The following TCF12 variants were observed in gnomAD, a reference collection of about 807,000 sequenced individuals.
The protein encoded by TCF12 is transcription factor 12.
TCF12 carries 45 observed loss-of-function variants against 86.0 expected under a neutral mutation model. The observed-to-expected ratio is 0.52, with a 90% confidence interval of 0.41 to 0.67. The LOEUF (loss-of-function observed/expected upper bound fraction) is 0.67. Among genes scored for constraint, TCF12 ranks in the 30% least tolerant of loss-of-function variants. The pLI is 0.00. For synonymous variants in TCF12, 330 were observed against 299.6 expected (o/e 1.10, Z -1.05); for missense variants, 881 against 859.9 (o/e 1.02, Z -0.31).
chr15:56,955,260 A>G (rs574334198), intron 3 of TCF12, among the ~76,000 whole-genome samples: 3 of 152,338 alleles, frequency 2.0e-5, no homozygotes, highest in Admixed American at 6.5e-5. Flanking sequence ...AGGGACATGG[A>G]TGAAGCTGGA....
At position 56,926,912 on chromosome 15, in the gene TCF12, G is replaced by A. The variant is rs566600670; in HGVS notation, c.148+5814G>A. 1.1e-4 allele frequency among the ~76,000 whole-genome samples: 17 copies of A among 152,310 alleles called. No individual in the cohort carries two copies. The East Asian group carries it at 3.1e-3, about 28-fold the overall frequency. On this transcript the variant is annotated intron_variant, in intron 3 of 20. Transcript: ENST00000333725. ...GCCTAGCACATAGTTAGCTGTGGTG[G>A]AGTAAATTGTTAGTGGTGAGACACT...
In TCF12 at chr15:57,263,202, C is replaced by CA; in HGVS notation, c.1674dup (p.Ser559IlefsTer3). The CA allele has an allele frequency of 6.2e-7, 1 of 1,613,228 alleles. No individual in the cohort carries two copies. The highest frequency in any genetic ancestry group is 8.5e-7 in the Non-Finnish European group (1 of 1,179,714). ...GATGAAAACCTTCATGAACCTCCTT[C>CA]ATCAGATGACATGAAGTCAGATGAT... On this transcript the variant is annotated frameshift_variant, in exon 18 of 21. Coordinates refer to ENST00000333725, the MANE Select transcript of TCF12 (RefSeq NM_207037.2). LOFTEE classifies it high-confidence loss of function.
chr15:57,170,673 ATAATATAT>A (rs2055295370), intron 6 of TCF12, among the ~76,000 whole-genome samples: 1 of 5,858 alleles, frequency 1.7e-4, no homozygotes. Context: ...ATATATATAT[ATAATATAT>A]TATATATAAT....
intron 8 of TCF12, among the ~76,000 whole-genome samples, chr15:57,224,959 T>G (rs2058798658): frequency 6.6e-6 from 1 of 152,142 alleles, no homozygotes; most frequent in African/African-American, 2.4e-5. Context: ...CAGATTGGAG[T>G]TTATGGCAGA....
intron 6 of TCF12, among the ~76,000 whole-genome samples, chr15:57,170,689 AATATATATT>A (rs1567558277): frequency 4.2e-5 from 1 of 23,562 alleles, no homozygotes; most frequent in Non-Finnish European, 1.0e-4. Flanking sequence ...TATTATATAT[AATATATATT>A]ATATATAATA....
chr15:56,986,155 A>T (rs1336562029), intron 3 of TCF12, among the ~76,000 whole-genome samples: 2 of 152,190 alleles, frequency 1.3e-5, no homozygotes, highest in African/African-American at 4.8e-5. Context: ...AAGACATAGC[A>T]TGAGAACAGG....
chr15:57,231,242 A>C lies in TCF12; in HGVS notation c.670A>C (p.Thr224Pro), dbSNP rs1205345180. 6.2e-7 allele frequency: 1 copy of C among 1,611,852 alleles called. No homozygotes were observed. The highest frequency in any genetic ancestry group is 1.1e-5 in the South Asian group (1 of 91,036). Residue 224 changes from threonine to proline, a missense_variant, in exon 9 of 21, where the codon ACT (threonine) becomes CCT (proline). Physicochemically the swap from Thr to Pro is conservative, Grantham distance 38. Transcript: ENST00000333725. ...PKPPTSMFAS[T>P]FFMQDGTHNS... is the part of the protein sequence containing the mutation. ...GCCACCAACCAGTATGTTCGCTAGC[A>C]CTTTCTTTATGCAAGGTAAGTACTA... is the stretch of plus-strand genomic sequence containing the variant.
intron 3 of TCF12, among the ~76,000 whole-genome samples, chr15:57,014,993 C>G (rs990166291): frequency 2.0e-5 from 3 of 151,818 alleles, no homozygotes; most frequent in Non-Finnish European, 4.4e-5. Context: ...TCAACAGTTA[C>G]AAGTGCCTTA....
intron 5 of TCF12, among the ~76,000 whole-genome samples, chr15:57,115,243 C>T (rs964936891): frequency 2.6e-5 from 4 of 152,150 alleles, no homozygotes; most frequent in Non-Finnish European, 5.9e-5. Flanking sequence ...GTTGCAGTAA[C>T]TTTAATGTAC....
At chr15:57,080,757 C>T (rs1296952022) in intron 4 of TCF12, among the ~76,000 whole-genome samples, 5 of 152,172 alleles carry the variant, frequency 3.3e-5, no homozygotes, top group African/African-American at 1.2e-4. Context: ...CATAGCCTTT[C>T]CCAATTAATT....
chr15:56,919,438 A>G (rs2059662861), intron 1 of TCF12: 1 of 152,458 alleles, frequency 6.6e-6, no homozygotes, highest in South Asian at 2.1e-4. Flanking sequence ...GTTCCCTGCA[A>G]CTTGTCAGTT....
intron 5 of TCF12, among the ~76,000 whole-genome samples, chr15:57,142,971 A>G (rs1356843147): frequency 1.3e-5 from 2 of 152,214 alleles, no homozygotes; most frequent in African/African-American, 4.8e-5. Context: ...ACTGCATTCA[A>G]TAATTTAATT....
At chr15:57,279,584 A>AT (rs1192446739) in intron 19 of TCF12, among the ~76,000 whole-genome samples, 1 of 152,136 alleles carries the variant, frequency 6.6e-6, no homozygotes, top group Non-Finnish European at 1.5e-5. Context: ...CTGCCATAGT[A>AT]TTGTTCTTCC....
At chr15:57,178,394 G>T (rs1368160269) in intron 6 of TCF12, among the ~76,000 whole-genome samples, 1 of 151,810 alleles carries the variant, frequency 6.6e-6, no homozygotes, top group Non-Finnish European at 1.5e-5. Flanking sequence ...TGCTATATTG[G>T]GTTTTTTTAC....
chr15:57,169,966 C>G (rs568238601), intron 6 of TCF12, among the ~76,000 whole-genome samples: 1 of 152,282 alleles, frequency 6.6e-6, no homozygotes, highest in South Asian at 2.1e-4. Context: ...TTATTTTAAA[C>G]CTAAATGTGT....
At chr15:57,151,112 G>A (rs1399196375) in intron 5 of TCF12, among the ~76,000 whole-genome samples, 1 of 150,992 alleles carries the variant, frequency 6.6e-6, no homozygotes, top group Non-Finnish European at 1.5e-5. Flanking sequence ...CAAGTAGCTA[G>A]GACTGCAAGG....
At chr15:57,237,533 G>A (rs1389579022) in intron 12 of TCF12, among the ~76,000 whole-genome samples, 3 of 152,098 alleles carry the variant, frequency 2.0e-5, no homozygotes, top group Non-Finnish European at 2.9e-5. Flanking sequence ...CTGGCAGAAG[G>A]CATTGGGAGT....
At chr15:57,188,793 AT>A in intron 6 of TCF12, among the ~76,000 whole-genome samples, 1 of 152,258 alleles carries the variant, frequency 6.6e-6, no homozygotes, top group Middle Eastern at 3.4e-3. Context: ...AATTATAATA[AT>A]TATCATTATT....
chr15:56,995,671 T>A (rs569713395), intron 3 of TCF12, among the ~76,000 whole-genome samples: 4 of 152,166 alleles, frequency 2.6e-5, no homozygotes, highest in Admixed American at 2.0e-4. Context: ...TGTAGTTGCC[T>A]ATCAGCTCTA....
Sources: gnomAD v4.1 joint callset for allele counts (sites outside exome capture counted in the v4.1 genomes callset) on GRCh38, gnomAD v4.1.1 for gene constraint, MANE v1.5 for transcripts, NCBI Gene and HGNC (gene_info 2026-07-23, HGNC 2026-07-21) for gene names.